ZNF577: variants seen among roughly 807,000 people sequenced by gnomAD.
ZNF577 encodes zinc finger protein 577.
Under a neutral mutation model 13.9 loss-of-function variants are expected in ZNF577, and 14 were observed. The observed-to-expected ratio is 1.00, with a 90% confidence interval of 0.66 to 1.57. The LOEUF (loss-of-function observed/expected upper bound fraction) is 1.57. ZNF577 is among the 40% of genes most tolerant of loss of function. The pLI is 0.00. For synonymous variants in ZNF577, 203 were observed against 202.9 expected (o/e 1.00, Z 0.00); for missense variants, 555 against 579.2 (o/e 0.96, Z 0.43).
rs1287058149 is a variant in ZNF577, at chr19:51,871,380, G to A, written c.*1152C>T. On this transcript the variant is annotated 3_prime_UTR_variant, in exon 6 of 6. Transcript: ENST00000638348. Reference sequence around the variant, plus strand: ...GATCTTCCTGCCTTGGCCTCCCAAAGTGCTGAGATTACAGGTGTGAGCCAC... The same window carrying A: ...GATCTTCCTGCCTTGGCCTCCCAAAATGCTGAGATTACAGGTGTGAGCCAC... The A allele has an allele frequency of 2.0e-5, 3 of 151,584 alleles. No homozygotes were observed. Among genetic ancestry groups the A allele is most frequent in the Non-Finnish European group, 2.9e-5 (2 of 67,968 alleles). 9.4% of individuals were successfully genotyped at this position (151,584 alleles called of 1,614,324 possible).
intron 8 of ZNF577, among the ~76,000 whole-genome samples, chr19:51,841,255 G>A (rs1287153530): frequency 2.6e-5 from 4 of 152,244 alleles, no homozygotes; most frequent in East Asian, 3.9e-4. Context: ...GCCTATAAGC[G>A]GTGGGCACTG....
chr19:51,873,220 A>G lies in ZNF577; in HGVS notation c.770T>C (p.Leu257Pro). 1 of 1,613,922 alleles carries G rather than the reference A, an allele frequency of 6.2e-7. No individual in the cohort carries two copies. Among genetic ancestry groups the G allele is most frequent in the Non-Finnish European group, 8.5e-7 (1 of 1,179,828 alleles). The change falls in exon 6 of 6, where the codon CTC becomes CCC. Residue 257 changes from leucine (L) to proline (P), a missense_variant. Physicochemically the swap from Leu to Pro is moderately conservative, Grantham distance 98. Coordinates refer to ENST00000638348, the MANE Select transcript of ZNF577 (RefSeq NM_001370449.1). ...AGTATGTGATCGCTGATGTCTATTG[A>G]GCCGGCACTTCCGGCTGAAGGCTTT... The part of the protein sequence containing the change: ...CGKAFSRKCR[L>P]NRHQRSHTGE...
intron 9 of ZNF577, among the ~76,000 whole-genome samples, chr19:51,833,913 C>T (rs911877871): frequency 6.6e-6 from 1 of 152,086 alleles, no homozygotes; most frequent in Non-Finnish European, 1.5e-5. Context: ...TTAAGGGATA[C>T]AGAGTGATAT....
At chr19:51,840,346 T>A (rs1426845203) in intron 8 of ZNF577, among the ~76,000 whole-genome samples, 1 of 152,142 alleles carries the variant, frequency 6.6e-6, no homozygotes, top group African/African-American at 2.4e-5. Flanking sequence ...CGCAGCCATA[T>A]TTGAAAAAGT....
At chr19:51,843,529 T>G (rs1276024856) in intron 6 of ZNF577, among the ~76,000 whole-genome samples, 1 of 152,230 alleles carries the variant, frequency 6.6e-6, no homozygotes, top group Non-Finnish European at 1.5e-5. Flanking sequence ...CTTTCATTCA[T>G]TTGCCCGATG....
intron 9 of ZNF577, chr19:51,825,746 T>C (rs767538247): frequency 6.0e-6 from 1 of 167,024 alleles, no homozygotes; most frequent in Non-Finnish European, 1.5e-5. Context: ...GCCCCCTGAT[T>C]TGAGGGTAAG....
chr19:51,875,926 T>G (rs1176890648), intron 5 of ZNF577, among the ~76,000 whole-genome samples: 1 of 152,124 alleles, frequency 6.6e-6, no homozygotes, highest in Admixed American at 6.5e-5. Context: ...AGCTGAGACA[T>G]TCAGACGTAG....
intron 5 of ZNF577, chr19:51,844,936 G>T (rs1238844067): frequency 1.3e-5 from 2 of 152,122 alleles, no homozygotes; most frequent in African/African-American, 4.8e-5. Context: ...CAGCATCTAT[G>T]AATTCAAACA....
intron 9 of ZNF577, among the ~76,000 whole-genome samples, chr19:51,836,625 G>T (rs2084288689): frequency 6.6e-6 from 1 of 152,188 alleles, no homozygotes; most frequent in African/African-American, 2.4e-5. Context: ...ATTCATAAAA[G>T]TCAAACCTGG....
chr19:51,832,218 C>G (rs1387967404), intron 9 of ZNF577, among the ~76,000 whole-genome samples: 1 of 152,028 alleles, frequency 6.6e-6, no homozygotes, highest in East Asian at 1.9e-4. Context: ...GAGGTCTGAA[C>G]CATATACAGC....
chr19:51,827,319 C>T (rs1319884768), intron 9 of ZNF577, among the ~76,000 whole-genome samples: 1 of 152,176 alleles, frequency 6.6e-6, no homozygotes, highest in Non-Finnish European at 1.5e-5. Context: ...CGTTAGATTT[C>T]TCTCACTGTC....
intron 10 of ZNF577, chr19:51,805,340 G>T (rs998100503): frequency 6.6e-6 from 1 of 152,212 alleles, no homozygotes; most frequent in Non-Finnish European, 1.5e-5. Flanking sequence ...AGGTCCAAGG[G>T]TTGAGGCTCT....
Position 51,872,669 on chromosome 19 carries a change from C to T in ZNF577, c.1321G>A (p.Glu441Lys). Residue 441 changes from glutamate (E) to lysine (K), a missense_variant, in exon 6 of 6, where the codon GAA becomes AAA. Glu to Lys is a moderately conservative substitution (Grantham distance 56). Coordinates refer to ENST00000638348, the MANE Select transcript of ZNF577 (RefSeq NM_001370449.1). ...GCTTGATTTCTTGGAAAAGGTTGTTCCACAATCACTACATTTCTGCCCACT... is the reference window on the plus strand; with the variant it reads ...GCTTGATTTCTTGGAAAAGGTTGTTTCACAATCACTACATTTCTGCCCACT... ...RLVGRNVVIVEQPFPRNQAFV... is the reference protein window; with the variant it reads ...RLVGRNVVIVKQPFPRNQAFV... 4.3e-6 allele frequency: 7 copies of T among 1,614,180 alleles called. No individual in the cohort carries two copies.
chr19:51,878,349 A>G, intron 4 of ZNF577, 40 bp downstream of exon 4: 2 of 1,606,892 alleles, frequency 1.2e-6, no homozygotes, highest in Non-Finnish European at 8.5e-7. Flanking sequence ...TGGTCACCAA[A>G]TAAGAAAGAA....
intron 3 of ZNF577, 33 bp from the exon 4 acceptor site, chr19:51,878,548 G>A: frequency 6.2e-7 from 1 of 1,611,648 alleles, no homozygotes; most frequent in Non-Finnish European, 8.5e-7. Context: ...ATCTGAGGTG[G>A]ATAACAATAG....
At chr19:51,830,715 T>C (rs977261569) in intron 9 of ZNF577, among the ~76,000 whole-genome samples, 1 of 152,200 alleles carries the variant, frequency 6.6e-6, no homozygotes, top group Admixed American at 6.5e-5. Flanking sequence ...ACCTCAGTGA[T>C]TTATCTTTCT....
intron 5 of ZNF577, among the ~76,000 whole-genome samples, chr19:51,874,785 G>A (rs1361741157): frequency 6.6e-6 from 1 of 152,166 alleles, no homozygotes; most frequent in Non-Finnish European, 1.5e-5. Context: ...GAATTCAGAT[G>A]GCTTGATCAG....
chr19:51,824,206 C>A lies in ZNF577; in HGVS notation c.*600-12532G>T. The A allele has an allele frequency of 6.2e-7, 1 of 1,614,120 alleles. No individual in the cohort carries two copies. Among genetic ancestry groups the A allele is most frequent in the Non-Finnish European group, 8.5e-7 (1 of 1,180,010 alleles). ...GTGATGACGGGACTCTGGATTTTCA[C>A]CATAGTCCTTACCTTACCAAATTTC... On this transcript the variant is annotated intron_variant and NMD_transcript_variant, in intron 9 of 10. Transcript: ENST00000638827. This position sits in a 1 kb window ranked among gnomAD's most constrained non-coding sequence, Gnocchi z 4.7.
At chr19:51,850,141 G>C (rs2084372511) in intron 5 of ZNF577, among the ~76,000 whole-genome samples, 1 of 152,228 alleles carries the variant, frequency 6.6e-6, no homozygotes, top group Non-Finnish European at 1.5e-5. Context: ...TCTCCAAAGA[G>C]AGGTTTGGCC....
Sources: allele counts gnomAD v4.1 joint callset (sites outside exome capture counted in the v4.1 genomes callset), GRCh38; gene constraint gnomAD v4.1.1; non-coding constraint Gnocchi (gnomAD v3.1); transcripts MANE v1.5; gene names NCBI Gene and HGNC (gene_info 2026-07-23, HGNC 2026-07-21).